Variants in GREB1 observed in about 807,000 individuals in gnomAD.
The protein encoded by GREB1 is growth regulating estrogen receptor binding 1, also known as protein GREB1.
GREB1 carries 106 observed loss-of-function variants against 200.7 expected under a neutral mutation model. The ratio of observed to expected loss-of-function variants is 0.53; its 90% confidence interval spans 0.45 to 0.62. The LOEUF is 0.62. Among genes scored for constraint, GREB1 ranks in the 20% least tolerant of loss-of-function variants. GREB1 has a pLI of 0.00. For missense variants in GREB1, 2,243 were observed against 2,556.8 expected, an observed-to-expected ratio of 0.88 and a Z score of 2.65; for synonymous variants, 1,132 against 1,092.4, an observed-to-expected ratio of 1.04 and a Z score of -0.72.
chr2:11,618,397 T>A lies in GREB1; in HGVS notation c.3522T>A (p.Gly1174=). 6.2e-7 allele frequency: 1 copy of A among 1,610,768 alleles called. No individual in the cohort carries two copies. Among genetic ancestry groups the A allele is most frequent in the Non-Finnish European group, 8.5e-7 (1 of 1,178,768 alleles). Residue 1174 remains glycine (G), a synonymous_variant, in exon 22 of 33, where the codon GGT becomes GGA. Coordinates refer to ENST00000381486, the MANE Select transcript of GREB1 (RefSeq NM_014668.4). ...CCGCAGAGGAGGGCAGAGCCCCTGG[T>A]GAGAAACAGAGGCCCCGGGCAAGTC... ...RGPAEEGRAP[G]EKQRPRASQG...
rs760722393 is a variant in GREB1, at chr2:11,635,332, G to A, written c.5273G>A (p.Arg1758Gln). 13 of 1,613,964 alleles carry A rather than the reference G, an allele frequency of 8.1e-6. No homozygotes were observed. The highest frequency in any genetic ancestry group is 6.7e-5 in the Admixed American group (4 of 60,000). ...RVHSAGLLLC[R>Q]FNRFSVMKKQ... ...CACAGCGCCGGCCTCCTGCTCTGCC[G>A]GTTCAACCGCTTCAGCGTGATGAAG... The change falls in exon 30 of 33, where the codon CGG becomes CAG. Residue 1758 changes from arginine to glutamine, a missense_variant. By Grantham distance (43) the Arg-to-Gln change is conservative. This residue lies in a region of GREB1 where 478 missense variants were observed against 616.3 expected (regional missense o/e 0.78). Transcript: ENST00000381486.
chr2:11,587,961 C>G, intron 9 of GREB1: 6 of 989,012 alleles, frequency 6.1e-6, no homozygotes, highest in Non-Finnish European at 7.2e-6. Context: ...CACGGTGGCT[C>G]ACGCCTGTAA....
intron 17 of GREB1, among the ~76,000 whole-genome samples, chr2:11,605,820 C>T (rs188465029): frequency 5.3e-5 from 8 of 152,184 alleles, no homozygotes; most frequent in East Asian, 1.9e-4. Context: ...AGAATACTAT[C>T]GTATGGCCAT....
In GREB1 at chr2:11,548,680, T is replaced by G. The variant is rs75894363; in HGVS notation, c.-161-7774T>G. 1.4e-4 allele frequency among the ~76,000 whole-genome samples: 22 copies of G among 152,116 alleles called. No homozygotes were observed. Among genetic ancestry groups the G allele is most frequent in the African/African-American group, 4.6e-4 (19 of 41,506 alleles). ...TGTCCCTGCTCCAGTGTGGATCATT[T>G]AGCTGTTCTCATCATCACCTTGTGA... On this transcript the variant is annotated intron_variant, in intron 1 of 32. Coordinates refer to ENST00000381486, the MANE Select transcript of GREB1 (RefSeq NM_014668.4). The surrounding 1 kb of genome is among the most constrained non-coding windows in gnomAD (Gnocchi z 5.1).
At position 11,578,357 on chromosome 2, in the gene GREB1, A is replaced by G. The variant is rs1424574835; in HGVS notation, c.698A>G (p.Glu233Gly). The G allele has an allele frequency of 1.2e-6, 2 of 1,613,996 alleles. No individual in the cohort carries two copies. The highest frequency in any genetic ancestry group is 2.7e-5 in the African/African-American group (2 of 74,920). ...TCSSSLFPALESTAAFPSEPV... is the reference protein window; with the variant it reads ...TCSSSLFPALGSTAAFPSEPV... ...TCCAGTTCCCTCTTCCCAGCCCTGG[A>G]GAGCACGGCTGCCTTCCCCAGCGAG... The change falls in exon 6 of 33, where the codon GAG (glutamate) becomes GGG (glycine). Residue 233 changes from glutamate to glycine, a missense_variant. Physicochemically the swap from Glu to Gly is moderately conservative, Grantham distance 98 (BLOSUM62 -2). Coordinates refer to ENST00000381486, the MANE Select transcript of GREB1 (RefSeq NM_014668.4).
At chr2:11,593,908 G>T (rs528234640) in intron 11 of GREB1, among the ~76,000 whole-genome samples, 70 of 152,308 alleles carry the variant, frequency 4.6e-4, no homozygotes, top group African/African-American at 1.5e-3. Context: ...CACCAAACAC[G>T]TGAGCTTTCC....
chr2:11,559,395 G>A (rs978357844), intron 2 of GREB1, among the ~76,000 whole-genome samples: 1 of 152,170 alleles, frequency 6.6e-6, no homozygotes, highest in African/African-American at 2.4e-5. Context: ...TTTTAATCCT[G>A]CTTTCTTACT....
chr2:11,525,776 C>T (rs1412832146), intron 1 of GREB1, among the ~76,000 whole-genome samples: 3 of 152,146 alleles, frequency 2.0e-5, no homozygotes, highest in African/African-American at 7.2e-5. Context: ...ACTTCATATG[C>T]CTGGTTCTGA....
At chr2:11,576,697 G>A (rs749571244) in intron 5 of GREB1, among the ~76,000 whole-genome samples, 162 bp downstream of exon 5, 5 of 152,246 alleles carry the variant, frequency 3.3e-5, no homozygotes, top group Non-Finnish European at 5.9e-5. Context: ...CGTTACGGGC[G>A]TTAAGCTGGT....
At chr2:11,573,995 C>T (rs1678576683) in intron 4 of GREB1, among the ~76,000 whole-genome samples, 2 of 152,202 alleles carry the variant, frequency 1.3e-5, no homozygotes, top group Admixed American at 1.3e-4. Context: ...GCTTAGAAGC[C>T]CTTCCAGGGA....
rs114647379 is a variant in GREB1, at chr2:11,563,812, A to G, written c.277+1230A>G. Among the ~76,000 whole-genome samples, 1,309 of 152,312 alleles carry G rather than the reference A, an allele frequency of 8.6e-3. 11 individuals are homozygous for G. Among genetic ancestry groups the G allele is most frequent in the African/African-American group, 0.029 (1,224 of 41,556 alleles). The stretch of plus-strand genomic sequence containing the variant: ...TATTAAATTAAGCAGTAATTGAAGT[A>G]ATTATTGAACTCTTTGCTCTGGAAA... On this transcript the variant is annotated intron_variant, in intron 3 of 32. Transcript: ENST00000381486.
chr2:11,588,638 C>A (rs550387596), intron 9 of GREB1, 108 bp from the exon 10 acceptor site: 1 of 1,007,946 alleles, frequency 9.9e-7, no homozygotes, highest in Non-Finnish European at 1.6e-6. Flanking sequence ...AGGGACCTGG[C>A]GCAGCTCACC....
At chr2:11,565,414 G>A (rs1677525302) in intron 3 of GREB1, among the ~76,000 whole-genome samples, 1 of 152,168 alleles carries the variant, frequency 6.6e-6, no homozygotes, top group Non-Finnish European at 1.5e-5. Flanking sequence ...ACTGCACTCA[G>A]GAGGAAAGTC....
chr2:11,617,073 G>T (rs893188756), intron 21 of GREB1, among the ~76,000 whole-genome samples: 40 of 152,202 alleles, frequency 2.6e-4, no homozygotes, highest in Admixed American at 2.0e-3. Context: ...AAAACCCTGT[G>T]CCCTGTGGGG....
rs759844334 is a variant in GREB1, at chr2:11,566,529, G to A, written c.327G>A (p.Glu109=). 6.2e-7 allele frequency: 1 copy of A among 1,613,988 alleles called. No homozygotes were observed. Among genetic ancestry groups the A allele is most frequent in the East Asian group, 2.2e-5 (1 of 44,872 alleles). ...TGCGCCTTGTCTCCATTTCCAACGA[G>A]CCCATGGATGTCCCTGCGGGCTTTC... ...KDLRLVSISN[E]PMDVPAGFLL... The change falls in exon 4 of 33, where the codon GAG becomes GAA. Residue 109 remains glutamate, a synonymous_variant. Transcript: ENST00000381486.
chr2:11,607,004 A>T (rs1173796743), intron 17 of GREB1, among the ~76,000 whole-genome samples: 3 of 151,976 alleles, frequency 2.0e-5, no homozygotes, highest in Non-Finnish European at 1.5e-5. Flanking sequence ...GATGGTCTCG[A>T]TCTCCTGACC....
At chr2:11,550,111 C>T (rs1675663847) in intron 1 of GREB1, among the ~76,000 whole-genome samples, 2 of 151,904 alleles carry the variant, frequency 1.3e-5, no homozygotes, top group African/African-American at 2.4e-5. Flanking sequence ...CCCAGCTACT[C>T]GGAGGCTGAG....
intron 1 of GREB1, among the ~76,000 whole-genome samples, chr2:11,528,349 G>A (rs558993834): frequency 4.9e-4 from 74 of 152,260 alleles, no homozygotes; most frequent in African/African-American, 1.5e-3. Flanking sequence ...AAATACCCTC[G>A]TTGAAAGTAG....
At chr2:11,612,296 A>G (rs2148316927) in intron 18 of GREB1, 199 bp from the exon 19 acceptor site, 1 of 1,306,116 alleles carries the variant, frequency 7.7e-7, no homozygotes, top group South Asian at 1.6e-5. Context: ...TGGCTGGCTA[A>G]TCTCCATGTT....
Sources: gnomAD v4.1 joint callset for allele counts (sites outside exome capture counted in the v4.1 genomes callset) on GRCh38, gnomAD v4.1.1 for gene constraint, gnomAD v4.1.1 regional missense constraint, Gnocchi (gnomAD v3.1) non-coding constraint, MANE v1.5 for transcripts, NCBI Gene and HGNC (gene_info 2026-07-23, HGNC 2026-07-21) for gene names.